Variants in ME3 observed in about 807,000 individuals in gnomAD.
ME3 encodes the protein malic enzyme 3, also known as NADP-dependent malic enzyme, mitochondrial.
In ME3, 48 loss-of-function variants were observed where a neutral mutation model predicts 68.9. The observed-to-expected ratio is 0.70, with a 90% CI of 0.55 to 0.89. The LOEUF is 0.89. ME3 is among the 40% of genes least tolerant of loss of function. The pLI is 0.00. For missense variants in ME3, 675 were observed against 797.4 expected (o/e 0.85, Z 1.85); for synonymous variants, 320 against 318.8 (o/e 1.00, Z -0.04).
intron 7 of ME3, among the ~76,000 whole-genome samples, chr11:86,482,194 C>G (rs1042725527): frequency 6.6e-5 from 10 of 152,196 alleles, no homozygotes; most frequent in African/African-American, 1.9e-4. Context: ...CAGAACTCTT[C>G]TTGAGCTCCA....
At chr11:86,531,400 G>A (rs1208992462) in intron 4 of ME3, among the ~76,000 whole-genome samples, 1 of 152,272 alleles carries the variant, frequency 6.6e-6, no homozygotes, top group South Asian at 2.1e-4. Flanking sequence ...CACTGTTGGT[G>A]GGACTGTAAA....
At position 86,595,381 on chromosome 11, in the gene ME3, T is replaced by G. The variant is rs1322288859; in HGVS notation, c.184-35558A>C. Among the ~76,000 whole-genome samples, 3 of 142,720 alleles carry G rather than the reference T, an allele frequency of 2.1e-5. 1 individual carries two copies. Among genetic ancestry groups the G allele is most frequent in the Admixed American group, 1.5e-4 (2 of 13,004 alleles). 93.6% of individuals were successfully genotyped at this position (142,720 alleles called of 152,430 possible). On this transcript the variant is annotated intron_variant, in intron 2 of 14. Coordinates refer to ENST00000543262, the Ensembl canonical transcript of ME3. ...CCAGGCACTTTGACTCATGTAACCA[T>G]AATTGACTTATAAGGTAAATACTAG...
chr11:86,542,059 G>A (rs184618482), intron 4 of ME3, among the ~76,000 whole-genome samples: 170 of 152,306 alleles, frequency 1.1e-3, no homozygotes, highest in Non-Finnish European at 2.0e-3. Context: ...TGCAGCAGAG[G>A]GGCCTGACTG....
At chr11:86,574,887 A>G (rs1958009545) in intron 2 of ME3, among the ~76,000 whole-genome samples, 1 of 152,162 alleles carries the variant, frequency 6.6e-6, no homozygotes, top group Non-Finnish European at 1.5e-5. Flanking sequence ...GTTTCAAAGG[A>G]GGTACCACTT....
chr11:86,545,178 AAG>A (rs2139374621), intron 4 of ME3, among the ~76,000 whole-genome samples: 1 of 152,350 alleles, frequency 6.6e-6, no homozygotes, highest in Admixed American at 6.5e-5. Context: ...TCAAAATAAT[AAG>A]AGCTATTTAT....
At chr11:86,657,988 C>T (rs369956494) in intron 2 of ME3, among the ~76,000 whole-genome samples, 23 of 152,114 alleles carry the variant, frequency 1.5e-4, no homozygotes, top group Admixed American at 7.9e-4. Flanking sequence ...ATGAATAGCT[C>T]TTCTTAGGTT....
At chr11:86,466,972 C>T (rs1438353162) in intron 7 of ME3, among the ~76,000 whole-genome samples, 4 of 152,246 alleles carry the variant, frequency 2.6e-5, no homozygotes, top group Non-Finnish European at 4.4e-5. Context: ...TGGCTAACAT[C>T]TGTGAACTAT....
chr11:86,523,549 C>G (rs906048627), intron 4 of ME3, among the ~76,000 whole-genome samples: 43 of 152,256 alleles, frequency 2.8e-4, no homozygotes, highest in African/African-American at 1.0e-3. Context: ...TCAGATATTG[C>G]TCTATCCTCT....
chr11:86,483,724 G>A (rs1327362860), intron 7 of ME3, among the ~76,000 whole-genome samples: 1 of 152,178 alleles, frequency 6.6e-6, no homozygotes, highest in Non-Finnish European at 1.5e-5. Context: ...GGAAGAAGCG[G>A]GTGATTTCCT....
At chr11:86,453,639 T>C (rs1431871264) in intron 8 of ME3, among the ~76,000 whole-genome samples, 1 of 152,252 alleles carries the variant, frequency 6.6e-6, no homozygotes, top group Non-Finnish European at 1.5e-5. Flanking sequence ...AGTATAAGTA[T>C]GTCCTATGCA....
chr11:86,550,146 G>A (rs1387823111), intron 4 of ME3, among the ~76,000 whole-genome samples: 2 of 152,164 alleles, frequency 1.3e-5, no homozygotes, highest in East Asian at 3.9e-4. Flanking sequence ...GACACGTTTA[G>A]TGCACAGCCG....
At chr11:86,477,105 C>A (rs1482561544) in intron 7 of ME3, among the ~76,000 whole-genome samples, 2 of 152,118 alleles carry the variant, frequency 1.3e-5, no homozygotes, top group East Asian at 3.9e-4. Context: ...CCTCATTTAT[C>A]CATCATAAGT....
intron 2 of ME3, among the ~76,000 whole-genome samples, chr11:86,610,098 T>C (rs1942453481): frequency 6.6e-6 from 1 of 152,196 alleles, no homozygotes; most frequent in South Asian, 2.1e-4. Flanking sequence ...CAAAAGGCTA[T>C]ACTTTAAGAA....
chr11:86,656,841 C>T (rs1234732075), intron 2 of ME3, among the ~76,000 whole-genome samples: 4 of 143,470 alleles, frequency 2.8e-5, no homozygotes, highest in South Asian at 2.3e-4. Flanking sequence ...GACACTAATG[C>T]GGCTGATAAA....
chr11:86,534,079 GTGTATATATATATA>G (rs1017283409), intron 4 of ME3, among the ~76,000 whole-genome samples: 3 of 12,924 alleles, frequency 2.3e-4, no homozygotes, highest in African/African-American at 6.0e-4. Flanking sequence ...GTGTGTGTGT[GTGTATATATATATA>G]TATATATATA....
intron 2 of ME3, among the ~76,000 whole-genome samples, chr11:86,573,091 C>T (rs1384141934): frequency 6.6e-6 from 1 of 152,084 alleles, no homozygotes; most frequent in Non-Finnish European, 1.5e-5. Context: ...TGAGAAGTGT[C>T]TGTTCATATA....
At chr11:86,504,816 G>A (rs906849245) in intron 5 of ME3, among the ~76,000 whole-genome samples, 2 of 151,694 alleles carry the variant, frequency 1.3e-5, no homozygotes, top group African/African-American at 4.8e-5. Context: ...TCAGCCTCCT[G>A]AATAGTTGGG....
At chr11:86,462,664 C>T (rs554852701) in intron 8 of ME3, 845 of 1,175,900 alleles carry the variant, frequency 7.2e-4, no homozygotes, top group Non-Finnish European at 8.4e-4. Context: ...ATGTAGCAGG[C>T]GCGGTGCTGG....
chr11:86,464,994 A>G (rs1950405191), intron 8 of ME3, 97 bp downstream of exon 8: 5 of 953,818 alleles, frequency 5.2e-6, no homozygotes, highest in South Asian at 4.0e-5. Context: ...CAAACCAACT[A>G]TGGGGTGACA....
Sources: gnomAD v4.1 joint callset for allele counts (sites outside exome capture counted in the v4.1 genomes callset) on GRCh38, gnomAD v4.1.1 for gene constraint, MANE v1.5 for transcripts, NCBI Gene and HGNC (gene_info 2026-07-23, HGNC 2026-07-21) for gene names.